The following CHIC1 variants were observed in gnomAD, a reference collection of about 807,000 sequenced individuals.
The protein encoded by CHIC1 is cysteine rich hydrophobic domain 1, also known as cysteine-rich hydrophobic domain-containing protein 1.
Under a neutral mutation model 18.5 loss-of-function variants are expected in CHIC1, and 7 were observed. The ratio of observed to expected loss-of-function variants is 0.38; its 90% CI spans 0.22 to 0.71. CHIC1 has a LOEUF of 0.71. CHIC1 is among the 30% of genes least tolerant of loss of function. The probability of loss-of-function intolerance (pLI) is 0.49; values close to 1 mark genes in which losing one functional copy is unlikely to be tolerated. For synonymous variants in CHIC1, 77 were observed against 73.5 expected (o/e 1.05, Z -0.25); for missense variants, 159 against 176.9 (o/e 0.90, Z 0.57).
chrX:73,588,817 C>T (rs994413861), intron 3 of CHIC1, among the ~76,000 whole-genome samples: 3 of 109,814 alleles, frequency 2.7e-5, no homozygotes, highest in Non-Finnish European at 5.7e-5. Context: ...TTGTTCATTT[C>T]GTCTAGGTTG....
chrX:73,675,617 A>C, intron 3 of CHIC1, among the ~76,000 whole-genome samples: 1 of 111,395 alleles, frequency 9.0e-6, no homozygotes, highest in Non-Finnish European at 1.9e-5. Flanking sequence ...TTTTGAGCCT[A>C]TCTGTGTCTC....
intron 3 of CHIC1, among the ~76,000 whole-genome samples, chrX:73,610,698 T>A (rs1379189897): frequency 9.2e-6 from 1 of 108,906 alleles, no homozygotes; most frequent in African/African-American, 3.6e-5. Flanking sequence ...TGTGAAGCAA[T>A]CCATTCCTGG....
chrX:73,596,082 G>A lies in CHIC1; in HGVS notation c.507+11510G>A, dbSNP rs375387723. Among the ~76,000 whole-genome samples, 25 of 111,518 alleles carry A rather than the reference G, an allele frequency of 2.2e-4. 1 individual carries two copies. In the East Asian group the frequency reaches 3.4e-3, roughly 15 times the overall value. The stretch of plus-strand genomic sequence containing the variant: ...GATTCCGGATATTAGCTCTTTGTCC[G>A]ATTGATACATTGCAAAAATTTTCTC... On this transcript the variant is annotated intron_variant, in intron 3 of 5. Coordinates refer to ENST00000373502, the MANE Select transcript of CHIC1 (RefSeq NM_001039840.4).
intron 3 of CHIC1, among the ~76,000 whole-genome samples, chrX:73,657,707 G>A (rs2147615283): frequency 8.9e-6 from 1 of 112,017 alleles, no homozygotes; most frequent in African/African-American, 3.2e-5. Context: ...TTTTCAAGGA[G>A]AATGCTTCCA....
At position 73,681,622 on chromosome X, in the gene CHIC1, T is replaced by C. The variant is rs1335038078; in HGVS notation, c.*617T>C. The C allele has an allele frequency of 1.8e-5, 2 of 112,366 alleles. No homozygotes were observed. The highest frequency in any genetic ancestry group is 6.5e-5 in the African/African-American group (2 of 30,997). The allele number at this position is 112,366 out of a possible 1,213,427, so 9.3% of individuals were successfully genotyped here. On this transcript the variant is annotated 3_prime_UTR_variant, in exon 6 of 6. Coordinates refer to ENST00000373502, the MANE Select transcript of CHIC1 (RefSeq NM_001039840.4). ...TGCCATGGTTTACATAATGTAACAT[T>C]ACTCTTATTGTATTGCCAACAATTT...
intron 3 of CHIC1, among the ~76,000 whole-genome samples, chrX:73,611,795 T>A (rs1332591298): frequency 1.6e-4 from 17 of 108,328 alleles, no homozygotes; most frequent in African/African-American, 3.6e-4. Context: ...TTTTCATGTG[T>A]TTTTTGGCTG....
intron 3 of CHIC1, 47 bp downstream of exon 3, chrX:73,584,619 T>C: frequency 1.0e-6 from 1 of 975,862 alleles, no homozygotes; most frequent in Non-Finnish European, 1.4e-6. Context: ...CTAACATTTA[T>C]GGAAAACTTA....
chrX:73,619,904 G>A (rs746614365), intron 3 of CHIC1, among the ~76,000 whole-genome samples: 2 of 109,652 alleles, frequency 1.8e-5, no homozygotes, highest in Non-Finnish European at 3.8e-5. Context: ...TCCCCTCCCT[G>A]TGTCCATGTG....
chrX:73,614,450 G>A (rs1221684959), intron 3 of CHIC1, among the ~76,000 whole-genome samples: 2 of 111,245 alleles, frequency 1.8e-5, no homozygotes, highest in Non-Finnish European at 3.8e-5. Context: ...TATTAATTAA[G>A]TAGGTTTCCT....
At chrX:73,642,824 C>T (rs5939027) in intron 3 of CHIC1, among the ~76,000 whole-genome samples, 42,025 of 99,917 alleles carry the variant, frequency 0.42, 10,032 homozygotes, top group Middle Eastern at 0.63. Context: ...AAAGATCAGA[C>T]AGTTGTAGAT....
chrX:73,649,254 T>C (rs2057903980), intron 3 of CHIC1, among the ~76,000 whole-genome samples: 1 of 111,249 alleles, frequency 9.0e-6, no homozygotes, highest in South Asian at 3.8e-4. Context: ...CACACCAAAA[T>C]GTAAAGACCA....
At chrX:73,590,276 T>C (rs2057575164) in intron 3 of CHIC1, among the ~76,000 whole-genome samples, 1 of 110,958 alleles carries the variant, frequency 9.0e-6, no homozygotes, top group Non-Finnish European at 1.9e-5. Context: ...CTTTATTTTG[T>C]CTTCACTTTT....
chrX:73,602,903 G>C (rs2057659021), intron 3 of CHIC1, among the ~76,000 whole-genome samples: 1 of 108,993 alleles, frequency 9.2e-6, no homozygotes, highest in Admixed American at 9.6e-5. Context: ...GTACAATGCT[G>C]TTTTGGTTAC....
chrX:73,567,463 A>G (rs2057450215), intron 1 of CHIC1, among the ~76,000 whole-genome samples: 1 of 110,729 alleles, frequency 9.0e-6, no homozygotes, highest in Admixed American at 9.7e-5. Flanking sequence ...CTAAGCAATT[A>G]GCAAATATCA....
intron 3 of CHIC1, among the ~76,000 whole-genome samples, chrX:73,644,028 C>T (rs1446649777): frequency 5.4e-5 from 6 of 111,687 alleles, no homozygotes; most frequent in South Asian, 3.8e-4. Flanking sequence ...ATGATGGTGA[C>T]GTACAGATGG....
At chrX:73,642,228 G>GTATC (rs1490048201) in intron 3 of CHIC1, among the ~76,000 whole-genome samples, 13 of 110,974 alleles carry the variant, frequency 1.2e-4, no homozygotes, top group African/African-American at 4.3e-4. Flanking sequence ...GTATGAGATG[G>GTATC]TATCTCATTG....
At chrX:73,626,252 A>G (rs1479636553) in intron 3 of CHIC1, among the ~76,000 whole-genome samples, 1 of 111,706 alleles carries the variant, frequency 9.0e-6, no homozygotes, top group Non-Finnish European at 1.9e-5. Flanking sequence ...CTTTGGGAGT[A>G]TGATTATTAA....
At chrX:73,671,408 T>A (rs751086767) in intron 3 of CHIC1, among the ~76,000 whole-genome samples, 4 of 112,190 alleles carry the variant, frequency 3.6e-5, no homozygotes, top group African/African-American at 6.5e-5. Context: ...CTTCTAGAAC[T>A]CCCACACGTC....
intron 4 of CHIC1, 32 bp from the exon 5 acceptor site, chrX:73,679,622 T>TA: frequency 1.0e-6 from 1 of 978,541 alleles, no homozygotes; most frequent in Non-Finnish European, 1.4e-6. Flanking sequence ...TAAGTTAATA[T>TA]AAAAATTCTT....
Sources: allele counts gnomAD v4.1 joint callset (sites outside exome capture counted in the v4.1 genomes callset), GRCh38; gene constraint gnomAD v4.1.1; transcripts MANE v1.5; gene names NCBI Gene and HGNC (gene_info 2026-07-23, HGNC 2026-07-21).